The following MCCC2 variants were observed in gnomAD, a reference collection of about 807,000 sequenced individuals.
The protein encoded by MCCC2 is methylcrotonyl-CoA carboxylase subunit 2, also known as methylcrotonoyl-CoA carboxylase beta chain, mitochondrial.
In MCCC2, 52 loss-of-function variants were observed where a neutral mutation model predicts 77.2. That is an observed-to-expected ratio of 0.67 (90% CI 0.54 to 0.85). The LOEUF (loss-of-function observed/expected upper bound fraction) is 0.85, where lower values mean the gene tolerates loss of function less well. Among genes scored for constraint, MCCC2 ranks in the 40% least tolerant of loss-of-function variants. The pLI, the probability that MCCC2 is intolerant of heterozygous loss-of-function variation, is 0.00. For synonymous variants in MCCC2, 253 were observed against 248.4 expected (o/e 1.02, Z -0.18); for missense variants, 682 against 703.2 (o/e 0.97, Z 0.34).
chr5:71,593,957 G>A (rs1166757835), intron 2 of MCCC2, among the ~76,000 whole-genome samples: 1 of 152,012 alleles, frequency 6.6e-6, no homozygotes, highest in Non-Finnish European at 1.5e-5. Context: ...TTAGAGACAG[G>A]GTCTCCTCAC....
At chr5:71,601,085 G>A (rs1745411302) in intron 4 of MCCC2, among the ~76,000 whole-genome samples, 1 of 152,176 alleles carries the variant, frequency 6.6e-6, no homozygotes, top group Non-Finnish European at 1.5e-5. Context: ...TCTGAAAGAA[G>A]GTTTAGTTTT....
rs576647341 is a variant in MCCC2, at chr5:71,621,392, A to G, written c.625-5248A>G. Among the ~76,000 whole-genome samples, 38 of 152,294 alleles carry G rather than the reference A, an allele frequency of 2.5e-4. No individual in the cohort carries two copies. The Middle Eastern group carries it at 0.01, about 41-fold the overall frequency. On this transcript the variant is annotated intron_variant, in intron 6 of 16. Transcript: ENST00000340941. ...CAGTGGCAGAACTCTTGTTCCATTC[A>G]CTTTGTCACCTTTTGGGAGTAAGTG... is the stretch of plus-strand genomic sequence containing the variant.
intron 6 of MCCC2, among the ~76,000 whole-genome samples, chr5:71,615,220 C>T (rs986906069): frequency 6.6e-6 from 1 of 152,148 alleles, no homozygotes; most frequent in Non-Finnish European, 1.5e-5. Context: ...CCACCCACCT[C>T]GACCTCCCAG....
At chr5:71,654,503 C>G (rs372145523) in intron 16 of MCCC2, among the ~76,000 whole-genome samples, 1 of 151,430 alleles carries the variant, frequency 6.6e-6, no homozygotes, top group African/African-American at 2.4e-5. Context: ...AATAGAAAGC[C>G]GTATAAGAGG....
intron 1 of MCCC2, among the ~76,000 whole-genome samples, 176 bp downstream of exon 1, chr5:71,587,730 G>C (rs909319123): frequency 1.3e-5 from 2 of 152,246 alleles, no homozygotes; most frequent in African/African-American, 4.8e-5. Flanking sequence ...TTCACTTTTA[G>C]AGCTGGCACT....
chr5:71,633,273 A>G (rs1395660080), intron 8 of MCCC2, among the ~76,000 whole-genome samples: 1 of 151,394 alleles, frequency 6.6e-6, no homozygotes. Context: ...CTAAATTTTT[A>G]AGCAGTTTGA....
At chr5:71,637,957 C>T (rs1746987333) in intron 10 of MCCC2, among the ~76,000 whole-genome samples, 1 of 152,012 alleles carries the variant, frequency 6.6e-6, no homozygotes. Context: ...CATGATCTGC[C>T]CGCCTCGGCC....
intron 10 of MCCC2, among the ~76,000 whole-genome samples, chr5:71,637,501 T>A (rs1196900145): frequency 1.3e-5 from 2 of 152,214 alleles, no homozygotes; most frequent in Non-Finnish European, 1.5e-5. Flanking sequence ...ATGCTAACAA[T>A]CATCTGAACC....
chr5:71,653,521 G>A (rs1313787550), intron 16 of MCCC2, among the ~76,000 whole-genome samples: 5 of 152,084 alleles, frequency 3.3e-5, no homozygotes, highest in African/African-American at 1.2e-4. Flanking sequence ...TGTAATTTAT[G>A]CTGGCGAAGG....
intron 10 of MCCC2, among the ~76,000 whole-genome samples, chr5:71,638,584 A>G (rs1006812099): frequency 4.6e-5 from 7 of 152,100 alleles, no homozygotes; most frequent in Non-Finnish European, 8.8e-5. Context: ...GCAGTGGCGC[A>G]ATCTTGGCTC....
At position 71,626,652 on chromosome 5, in the gene MCCC2, A is replaced by G. The variant is rs769875413; in HGVS notation, c.637A>G (p.Met213Val). ...SKNIAQIAVV[M>V]GSCTAGGAYV... is the part of the protein sequence containing the mutation. ...GCTTGGATTCCAGATCGCAGTGGTC[A>G]TGGGCTCCTGCACCGCAGGAGGAGC... is the stretch of plus-strand genomic sequence containing the variant. The change falls in exon 7 of 17, where the codon ATG (methionine) becomes GTG (valine). Residue 213 changes from methionine (M) to valine (V), a missense_variant. Coordinates refer to ENST00000340941, the MANE Select transcript of MCCC2 (RefSeq NM_022132.5). The G allele has an allele frequency of 5.6e-6, 9 of 1,614,046 alleles. No homozygotes were observed. In the Admixed American group the frequency reaches 1.3e-4, roughly 24 times the overall value.
At chr5:71,652,900 T>G (rs1463964068) in intron 16 of MCCC2, 146 bp downstream of exon 16, 1 of 766,776 alleles carries the variant, frequency 1.3e-6, no homozygotes, top group Non-Finnish European at 2.2e-6. Context: ...TGTACTGTTG[T>G]TTCTTTACAA....
Position 71,642,763 on chromosome 5 carries a change from G to A in MCCC2, c.1073-1056G>A, listed in dbSNP as rs568615425. On this transcript the variant is annotated intron_variant, in intron 11 of 16. Coordinates refer to ENST00000340941, the MANE Select transcript of MCCC2 (RefSeq NM_022132.5). ...GTGCCATTTAGGATGTACTGCATAAGTTTTTGGCTGGGATTTTAGGACTGA... is the reference window on the plus strand; with the variant it reads ...GTGCCATTTAGGATGTACTGCATAAATTTTTGGCTGGGATTTTAGGACTGA... Among the ~76,000 whole-genome samples, 6 of 152,314 alleles carry A rather than the reference G, an allele frequency of 3.9e-5. No homozygotes were observed. The South Asian group carries it at 1.2e-3, about 32-fold the overall frequency.
At chr5:71,614,633 G>A (rs1371872374) in intron 6 of MCCC2, among the ~76,000 whole-genome samples, 1 of 151,444 alleles carries the variant, frequency 6.6e-6, no homozygotes, top group Non-Finnish European at 1.5e-5. Flanking sequence ...ATAGGCACAT[G>A]CCATCATGCC....
At chr5:71,645,144 C>T (rs1051537747) in intron 12 of MCCC2, among the ~76,000 whole-genome samples, 1 of 152,028 alleles carries the variant, frequency 6.6e-6, no homozygotes, top group African/African-American at 2.4e-5. Flanking sequence ...ACAAACTCTG[C>T]CTGGCTTTAT....
intron 5 of MCCC2, among the ~76,000 whole-genome samples, chr5:71,603,777 C>T (rs1364800380): frequency 2.0e-5 from 3 of 152,166 alleles, no homozygotes; most frequent in Non-Finnish European, 2.9e-5. Flanking sequence ...GAACTAAGTG[C>T]TTTCTATACA....
intron 4 of MCCC2, 30 bp from the exon 5 acceptor site, chr5:71,602,476 T>A: frequency 6.2e-7 from 1 of 1,613,998 alleles, no homozygotes; most frequent in Non-Finnish European, 8.5e-7. Context: ...TCTCTTAAAT[T>A]CTCTCTCCAA....
chr5:71,650,209 C>T (rs772450631), intron 15 of MCCC2, 26 bp downstream of exon 15: 3 of 1,603,256 alleles, frequency 1.9e-6, no homozygotes, highest in African/African-American at 2.7e-5. Context: ...TCTTGTTTCT[C>T]TCTGGTTTTG....
At chr5:71,633,116 TATA>T (rs1163005514) in intron 8 of MCCC2, among the ~76,000 whole-genome samples, 2 of 107,452 alleles carry the variant, frequency 1.9e-5, no homozygotes, top group Admixed American at 1.2e-4. Flanking sequence ...TATATATATA[TATA>T]TATATATATA....
Sources: gnomAD v4.1 joint callset for allele counts (sites outside exome capture counted in the v4.1 genomes callset) on GRCh38, gnomAD v4.1.1 for gene constraint, MANE v1.5 for transcripts, NCBI Gene and HGNC (gene_info 2026-07-23, HGNC 2026-07-21) for gene names.